ZFP64: variants seen among roughly 807,000 people sequenced by gnomAD.
The protein encoded by ZFP64 is zinc finger protein 64.
In ZFP64, 14 loss-of-function variants were observed where a neutral mutation model predicts 51.6. That is an observed-to-expected ratio of 0.27 (90% CI 0.18 to 0.42). The LOEUF is 0.42. Ranked by LOEUF, ZFP64 falls within the 10% of genes least tolerant of loss-of-function variation. The pLI, the probability that ZFP64 is intolerant of heterozygous loss-of-function variation, is 1.00. For missense variants in ZFP64, 754 were observed against 906.8 expected (o/e 0.83, Z 2.16); for synonymous variants, 375 against 361.4 (o/e 1.04, Z -0.43).
chr20:52,099,399 C>T (rs1191022097), intron 5 of ZFP64, among the ~76,000 whole-genome samples: 1 of 152,052 alleles, frequency 6.6e-6, no homozygotes, highest in Non-Finnish European at 1.5e-5. Flanking sequence ...ACAGACCACA[C>T]ATCACTGATC....
At chr20:52,148,737 G>A (rs930869110), downstream of ZFP64, among the ~76,000 whole-genome samples, 5 of 151,332 alleles carry the variant, frequency 3.3e-5, no homozygotes, top group Non-Finnish European at 5.9e-5. Flanking sequence ...TCTGGCTGCA[G>A]CAAGGAGCCA....
chr20:52,094,831 T>C (rs1600693807), intron 7 of ZFP64, among the ~76,000 whole-genome samples: 1 of 152,188 alleles, frequency 6.6e-6, no homozygotes, highest in African/African-American at 2.4e-5. Context: ...ACCTCAGTAT[T>C]CCTAGCTTTC....
chr20:52,139,449 T>C (rs1010577748), intron 5 of ZFP64, among the ~76,000 whole-genome samples: 2 of 152,054 alleles, frequency 1.3e-5, no homozygotes, highest in South Asian at 2.1e-4. Context: ...GAGCTAAACA[T>C]TGAGTACCCG....
chr20:52,159,980 CAAA>C (rs964192158), intron 5 of ZFP64, 140 bp downstream of exon 5: 60 of 1,353,126 alleles, frequency 4.4e-5, no homozygotes, highest in African/African-American at 7.3e-5. Context: ...ACAACAACAA[CAAA>C]AAAAAACAAA....
intron 6 of ZFP64, chr20:52,097,494 G>A (rs537850652): frequency 4.0e-5 from 59 of 1,484,608 alleles, no homozygotes; most frequent in East Asian, 3.0e-4. Context: ...TTGCTCTGTC[G>A]CCCAGGCTGG....
At chr20:52,088,618 G>T (rs2078889397) in exon 8 of ZFP64, 1 of 1,614,202 alleles carries the variant, frequency 6.2e-7, no homozygotes, top group Non-Finnish European at 8.5e-7. Flanking sequence ...ACTTGTCACA[G>T]AACTCACACT....
Position 52,085,112 on chromosome 20 carries a change from G to GA in ZFP64, c.1382dup (p.Arg462ProfsTer20). The GA allele has an allele frequency of 6.2e-7, 1 of 1,614,260 alleles. No individual in the cohort carries two copies. Among genetic ancestry groups the GA allele is most frequent in the African/African-American group, 1.3e-5 (1 of 75,066 alleles). ...GACATTTGAAGGTGTGCTTGATGCG[G>GA]ATGTGCGATTTGAGATTCGCCTTCA... is the stretch of plus-strand genomic sequence containing the variant. On this transcript the variant is annotated frameshift_variant, in exon 9 of 9. Coordinates refer to the ZFP64 transcript ENST00000361387. LOFTEE classifies it high-confidence loss of function. The surrounding 1 kb of genome is among the most constrained non-coding windows in gnomAD (Gnocchi z 4.3).
chr20:52,179,828 A>G (rs906691105), intron 2 of ZFP64, among the ~76,000 whole-genome samples: 1 of 152,232 alleles, frequency 6.6e-6, no homozygotes, highest in African/African-American at 2.4e-5. Context: ...GAAAACCTCC[A>G]TCAGAGGCAC....
chr20:52,122,463 T>A (rs960062794), intron 5 of ZFP64, among the ~76,000 whole-genome samples: 29 of 133,512 alleles, frequency 2.2e-4, no homozygotes, highest in Non-Finnish European at 3.2e-4. Flanking sequence ...CCGAGATGGC[T>A]CCACTGCACT....
chr20:52,161,629 G>C (rs978262302), intron 4 of ZFP64, among the ~76,000 whole-genome samples: 1 of 151,904 alleles, frequency 6.6e-6, no homozygotes, highest in Non-Finnish European at 1.5e-5. Context: ...TCCTTACTTG[G>C]CCATGAAAAA....
At chr20:52,087,453 A>G (rs776918463) in intron 8 of ZFP64, among the ~76,000 whole-genome samples, 5 of 152,136 alleles carry the variant, frequency 3.3e-5, no homozygotes, top group African/African-American at 4.8e-5. Flanking sequence ...ATAGGTCTCT[A>G]TTTGGATGCA....
At chr20:52,176,570 C>T (rs1310714840) in intron 2 of ZFP64, among the ~76,000 whole-genome samples, 2 of 149,642 alleles carry the variant, frequency 1.3e-5, no homozygotes, top group Non-Finnish European at 3.0e-5. Flanking sequence ...ACTGCAGTGG[C>T]GCAATCTCGG....
intron 5 of ZFP64, among the ~76,000 whole-genome samples, chr20:52,123,483 A>G (rs1268339631): frequency 1.3e-5 from 2 of 152,210 alleles, no homozygotes; most frequent in Non-Finnish European, 2.9e-5. Context: ...CACTCTGATC[A>G]GTCAGCAGCC....
intron 3 of ZFP64, chr20:52,165,338 A>C (rs1296282035): frequency 2.2e-6 from 1 of 456,176 alleles, no homozygotes; most frequent in South Asian, 1.6e-5. Context: ...TTTAGGAATA[A>C]AGGGGCATCA....
At chr20:52,149,250 C>A (rs1980672163), downstream of ZFP64, among the ~76,000 whole-genome samples, 1 of 146,728 alleles carries the variant, frequency 6.8e-6, no homozygotes. Flanking sequence ...CTCCGTGAAA[C>A]TTACACTTTT....
At position 52,084,799 on chromosome 20, in the gene ZFP64, CCT is replaced by C; in HGVS notation, c.1694_1695del (p.Glu565GlyfsTer18). On this transcript the variant is annotated frameshift_variant, in exon 9 of 9. Transcript: ENST00000361387. LOFTEE classifies it high-confidence loss of function. ...ATCTTGGCCACGTGCTGGGAGCTGC[CCT>C]CTCTGAGCCCTTCCTTGCCCAGAGG... 1 of 1,614,206 alleles carries C rather than the reference CCT, an allele frequency of 6.2e-7. No individual in the cohort carries two copies. The highest frequency in any genetic ancestry group is 8.5e-7 in the Non-Finnish European group (1 of 1,180,046).
rs113081778 is a variant in ZFP64, at chr20:52,110,492, A to G, written c.764-11905T>C. Reference sequence around the variant, plus strand: ...CTCTATGCTGGGAAGTCCTCTGCCTAGTCTAAGATCTTCCCTGTGATCTTC... The same window carrying G: ...CTCTATGCTGGGAAGTCCTCTGCCTGGTCTAAGATCTTCCCTGTGATCTTC... On this transcript the variant is annotated intron_variant, in intron 5 of 8. Transcript: ENST00000361387. The G allele has an allele frequency of 5.4e-3, 3,780 of 698,164 alleles. 93 individuals are homozygous for G. In the African/African-American group the frequency reaches 0.058, roughly 11 times the overall value. 43.2% of individuals were successfully genotyped at this position (698,164 alleles called of 1,614,324 possible).
chr20:52,149,754 T>C (rs978126695), downstream of ZFP64, among the ~76,000 whole-genome samples: 11 of 152,170 alleles, frequency 7.2e-5, no homozygotes, highest in African/African-American at 2.7e-4. Context: ...TATGCATGCA[T>C]GTGTATGTAT....
intron 5 of ZFP64, among the ~76,000 whole-genome samples, chr20:52,121,477 C>G (rs563671377): frequency 6.6e-6 from 1 of 152,170 alleles, no homozygotes; most frequent in Admixed American, 6.5e-5. Flanking sequence ...CATGCTTCTA[C>G]GCCAAAGCCT....
Sources: allele counts gnomAD v4.1 joint callset (sites outside exome capture counted in the v4.1 genomes callset), GRCh38; gene constraint gnomAD v4.1.1; non-coding constraint Gnocchi (gnomAD v3.1); transcripts MANE v1.5; gene names NCBI Gene and HGNC (gene_info 2026-07-23, HGNC 2026-07-21).